The following WDR41 variants were observed in gnomAD, a reference collection of about 807,000 sequenced individuals.
WDR41 encodes the protein WD repeat-containing protein 41.
WDR41 carries 63 observed loss-of-function variants against 69.3 expected under a neutral mutation model. The ratio of observed to expected loss-of-function variants is 0.91; its 90% CI spans 0.74 to 1.12. The LOEUF (loss-of-function observed/expected upper bound fraction) is 1.12. Ranked by LOEUF, WDR41 falls within the 50% of genes most tolerant of loss-of-function variation. The pLI, the probability that WDR41 is intolerant of heterozygous loss-of-function variation, is 0.00. For missense variants in WDR41, 543 were observed against 534.5 expected, an observed-to-expected ratio of 1.02 and a Z score of -0.16; for synonymous variants, 185 against 192.1, an observed-to-expected ratio of 0.96 and a Z score of 0.31.
At chr5:77,474,521 G>C (rs1800799721) in intron 2 of WDR41, among the ~76,000 whole-genome samples, 1 of 152,100 alleles carries the variant, frequency 6.6e-6, no homozygotes, top group Admixed American at 6.5e-5. Context: ...ATCCAGATAG[G>C]GACTTGTAAA....
intron 1 of WDR41, among the ~76,000 whole-genome samples, chr5:77,526,492 G>T (rs1802449252): frequency 6.6e-6 from 1 of 151,898 alleles, no homozygotes; most frequent in Non-Finnish European, 1.5e-5. Flanking sequence ...TTTGGATTCA[G>T]CAATCCAATT....
intron 2 of WDR41, among the ~76,000 whole-genome samples, chr5:77,478,940 C>A (rs995861920): frequency 2.0e-5 from 3 of 151,522 alleles, no homozygotes; most frequent in African/African-American, 7.3e-5. Context: ...CTGTCTCAGC[C>A]CAAAATCTCC....
At chr5:77,536,749 G>T (rs750525395) in intron 1 of WDR41, among the ~76,000 whole-genome samples, 2 of 152,118 alleles carry the variant, frequency 1.3e-5, no homozygotes, top group Non-Finnish European at 2.9e-5. Flanking sequence ...GGAGCAATAG[G>T]CTGTACCGTG....
rs1004019301 is a variant in WDR41, at chr5:77,431,015, G to A, written c.*2120C>T. ...GTATAGAAAGTGGTTTCTGGAGACA[G>A]TCATTTCCACAGTGAAGATGCTGTA... On this transcript the variant is annotated 3_prime_UTR_variant, in exon 13 of 13. Coordinates refer to ENST00000296679, the MANE Select transcript of WDR41 (RefSeq NM_018268.4). 2 of 152,156 alleles carry A rather than the reference G, an allele frequency of 1.3e-5. No individual in the cohort carries two copies. Among genetic ancestry groups the A allele is most frequent in the African/African-American group, 4.8e-5 (2 of 41,452 alleles). The allele number at this position is 152,156 out of a possible 1,614,324, so 9.4% of individuals were successfully genotyped here. A position where few individuals can be genotyped will look rare whatever the true frequency, so the allele number is the denominator to read the frequency against.
rs145323497 is a variant in WDR41 at position 77,543,506 on chromosome 5, A to G, written c.43-53934T>C. 7.3e-3 allele frequency among the ~76,000 whole-genome samples: 1,118 copies of G among 152,220 alleles called. 22 individuals carry two copies. Among genetic ancestry groups the G allele is most frequent in the African/African-American group, 0.026 (1,068 of 41,488 alleles). On this transcript the variant is annotated intron_variant, in intron 1 of 5. Transcript: ENST00000509971. ...ATGGACACACTTATAGAAATGCAAA[A>G]TGCTCTGGAAAATCTCAGCAATAGA...
chr5:77,479,255 A>G (rs1801109902), intron 2 of WDR41, among the ~76,000 whole-genome samples: 1 of 151,726 alleles, frequency 6.6e-6, no homozygotes, highest in Admixed American at 6.6e-5. Context: ...GCCCAAGGTA[A>G]TTTATAGATT....
intron 4 of WDR41, among the ~76,000 whole-genome samples, chr5:77,461,762 T>A (rs1049349941): frequency 6.6e-6 from 1 of 151,326 alleles, no homozygotes; most frequent in African/African-American, 2.4e-5. Flanking sequence ...CACTTGAACC[T>A]GGGAGGTGGA....
chr5:77,567,488 C>T (rs1392427512), intron 1 of WDR41, among the ~76,000 whole-genome samples: 1 of 151,998 alleles, frequency 6.6e-6, no homozygotes, highest in Non-Finnish European at 1.5e-5. Flanking sequence ...CTTCCATCCT[C>T]ACAGAGTTAC....
chr5:77,565,438 G>A (rs948772009), intron 1 of WDR41, among the ~76,000 whole-genome samples: 1 of 151,922 alleles, frequency 6.6e-6, no homozygotes, highest in Admixed American at 6.6e-5. Context: ...TTATTCTCGT[G>A]TCAATTCCTC....
At chr5:77,584,670 A>G (rs1471357245) in intron 1 of WDR41, among the ~76,000 whole-genome samples, 1 of 152,202 alleles carries the variant, frequency 6.6e-6, no homozygotes, top group Non-Finnish European at 1.5e-5. Flanking sequence ...AGCAAGCCAA[A>G]TACTTACAGA....
intron 12 of WDR41, 114 bp downstream of exon 12, chr5:77,436,143 GACAA>G (rs1798927859): frequency 1.5e-6 from 2 of 1,344,328 alleles, no homozygotes; most frequent in East Asian, 5.0e-5. Flanking sequence ...GTTCAGATCT[GACAA>G]ACACCTACAG....
chr5:77,475,575 C>T (rs532935308), intron 2 of WDR41, among the ~76,000 whole-genome samples: 3 of 152,010 alleles, frequency 2.0e-5, no homozygotes, highest in Admixed American at 6.6e-5. Context: ...ACACCTCACA[C>T]GGCCGGGTAC....
intron 4 of WDR41, among the ~76,000 whole-genome samples, chr5:77,461,773 G>A (rs1191428723): frequency 6.6e-6 from 1 of 152,024 alleles, no homozygotes; most frequent in Admixed American, 6.5e-5. Flanking sequence ...GGGAGGTGGA[G>A]GCTGCAGTGA....
Position 77,538,258 on chromosome 5 carries a change from C to T in WDR41, c.43-48686G>A, listed in dbSNP as rs151333968. 1.6e-4 allele frequency among the ~76,000 whole-genome samples: 25 copies of T among 152,252 alleles called. No homozygotes were observed. In the East Asian group the frequency reaches 3.7e-3, roughly 22 times the overall value. On this transcript the variant is annotated intron_variant, in intron 1 of 5. Transcript: ENST00000509971. ...TAATGACCTCCAATTCTACCCATGT[C>T]GCTGCAAAAGACATGATTTCTTTTC...
intron 1 of WDR41, among the ~76,000 whole-genome samples, chr5:77,515,851 C>T (rs915247608): frequency 3.3e-5 from 5 of 152,160 alleles, no homozygotes; most frequent in African/African-American, 1.2e-4. Context: ...AAATAACCCT[C>T]ATTTTCAATG....
rs1474633838 is a variant in WDR41, at chr5:77,492,167, T to C, written c.51+3A>G. On this transcript the variant is annotated splice_donor_region_variant and intron_variant, in intron 1 of 12. Transcript: ENST00000296679. ...ACGCAGAGCAGACCCACCCGGGGTTTACCTCGGCCAGTCCCTGCGGTTCTC... is the reference window on the plus strand; with the variant it reads ...ACGCAGAGCAGACCCACCCGGGGTTCACCTCGGCCAGTCCCTGCGGTTCTC... The C allele has an allele frequency of 6.2e-7, 1 of 1,611,628 alleles. No homozygotes were observed. The highest frequency in any genetic ancestry group is 1.7e-5 in the Admixed American group (1 of 59,720).
At position 77,486,787 on chromosome 5, in the gene WDR41, C is replaced by A. The variant is rs145797432; in HGVS notation, c.167+2670G>T. 7.4e-3 allele frequency among the ~76,000 whole-genome samples: 1,122 copies of A among 152,312 alleles called. 12 individuals are homozygous for A. Among genetic ancestry groups the A allele is most frequent in the Middle Eastern group, 0.031 (9 of 294 alleles). ...AGATCAGTTGCTCCTGGTGCAAAGA[C>A]AGACTCACCCAGCTGAGCCTAGCCC... On this transcript the variant is annotated intron_variant, in intron 2 of 12. Transcript: ENST00000296679.
intron 2 of WDR41, among the ~76,000 whole-genome samples, chr5:77,468,552 A>C (rs1800407432): frequency 6.6e-6 from 1 of 152,188 alleles, no homozygotes; most frequent in African/African-American, 2.4e-5. Flanking sequence ...CCAATAGCTA[A>C]ATGCTCATTT....
intron 1 of WDR41, among the ~76,000 whole-genome samples, chr5:77,564,343 C>T (rs1462219891): frequency 6.6e-6 from 1 of 152,134 alleles, no homozygotes; most frequent in African/African-American, 2.4e-5. Flanking sequence ...TGCTTGAGGC[C>T]AGGAGTTTGA....
Sources: gnomAD v4.1 joint callset for allele counts (sites outside exome capture counted in the v4.1 genomes callset) on GRCh38, gnomAD v4.1.1 for gene constraint, MANE v1.5 for transcripts, NCBI Gene and HGNC (gene_info 2026-07-23, HGNC 2026-07-21) for gene names.